CCDC178: variants seen among roughly 807,000 people sequenced by gnomAD.
CCDC178 encodes the protein coiled-coil domain containing 178.
In CCDC178, 126 loss-of-function variants were observed where a neutral mutation model predicts 117.4. The observed-to-expected ratio is 1.07, with a 90% CI of 0.93 to 1.24. The LOEUF (loss-of-function observed/expected upper bound fraction) is 1.24, where lower values mean the gene tolerates loss of function less well. CCDC178 is among the 50% of genes most tolerant of loss of function. The probability of loss-of-function intolerance (pLI) is 0.00; values close to 1 mark genes in which losing one functional copy is unlikely to be tolerated. For missense variants in CCDC178, 1,030 were observed against 986.9 expected, an observed-to-expected ratio of 1.04 and a Z score of -0.59; for synonymous variants, 283 against 313.4, an observed-to-expected ratio of 0.90 and a Z score of 1.02.
intron 15 of CCDC178, among the ~76,000 whole-genome samples, chr18:33,242,834 C>T (rs1157861423): frequency 1.3e-5 from 2 of 151,688 alleles, no homozygotes; most frequent in South Asian, 4.1e-4. Flanking sequence ...ACACTATGGA[C>T]AGCAGGACAG....
At chr18:33,054,541 G>A (rs191672970) in intron 21 of CCDC178, among the ~76,000 whole-genome samples, 134 of 152,202 alleles carry the variant, frequency 8.8e-4, no homozygotes, top group Non-Finnish European at 1.3e-3. Context: ...CTCTTCCTGC[G>A]TTAGTTTGAT....
intron 22 of CCDC178, among the ~76,000 whole-genome samples, chr18:32,966,555 A>AT: frequency 6.6e-6 from 1 of 151,936 alleles, no homozygotes; most frequent in Non-Finnish European, 1.5e-5. Context: ...TTTTTGATAT[A>AT]TTTTGCTACT....
chr18:33,085,273 T>C (rs1209386201), intron 21 of CCDC178, among the ~76,000 whole-genome samples: 6 of 152,202 alleles, frequency 3.9e-5, no homozygotes, highest in African/African-American at 9.6e-5. Context: ...ATTTAAAACG[T>C]ATTTTTGGGG....
intron 20 of CCDC178, among the ~76,000 whole-genome samples, chr18:33,105,591 TTG>T (rs995679035): frequency 3.6e-4 from 55 of 151,778 alleles, no homozygotes; most frequent in African/African-American, 1.3e-3. Flanking sequence ...GGTATTTTGT[TTG>T]TGTGTGTGTT....
intron 21 of CCDC178, among the ~76,000 whole-genome samples, chr18:33,087,423 C>T (rs1288598823): frequency 2.6e-5 from 4 of 152,036 alleles, no homozygotes; most frequent in African/African-American, 4.8e-5. Context: ...TCACAGGTCT[C>T]GTGAGGAAAA....
chr18:32,966,813 G>A (rs773146469), intron 22 of CCDC178, among the ~76,000 whole-genome samples: 1 of 151,790 alleles, frequency 6.6e-6, no homozygotes, highest in Non-Finnish European at 1.5e-5. Context: ...CCATGCAAAT[G>A]ATATATGTTT....
intron 20 of CCDC178, among the ~76,000 whole-genome samples, chr18:33,210,115 A>C (rs2059090114): frequency 6.6e-6 from 1 of 152,044 alleles, no homozygotes; most frequent in African/African-American, 2.4e-5. Flanking sequence ...TTATCTATCT[A>C]TTTATTCATT....
chr18:33,404,939 T>C (rs1250906333), intron 3 of CCDC178, among the ~76,000 whole-genome samples: 1 of 152,020 alleles, frequency 6.6e-6, no homozygotes, highest in Non-Finnish European at 1.5e-5. Context: ...AACAGATTTG[T>C]GGTTCCAGAG....
intron 11 of CCDC178, among the ~76,000 whole-genome samples, chr18:33,315,294 G>C (rs1275147178): frequency 6.6e-6 from 1 of 152,178 alleles, no homozygotes; most frequent in African/African-American, 2.4e-5. Context: ...AGCTCTTTCT[G>C]TTGTGCTTGG....
chr18:33,376,923 T>C (rs555030812), intron 5 of CCDC178, among the ~76,000 whole-genome samples: 1 of 152,362 alleles, frequency 6.6e-6, no homozygotes, highest in Admixed American at 6.5e-5. Flanking sequence ...ATGAGTGCGT[T>C]GTCTTTTTGG....
chr18:33,426,597 T>C (rs1466198907), intron 2 of CCDC178, among the ~76,000 whole-genome samples: 1 of 152,242 alleles, frequency 6.6e-6, no homozygotes, highest in Non-Finnish European at 1.5e-5. Flanking sequence ...AAAGTCTCTT[T>C]ACTCTTCCTT....
At chr18:33,399,780 T>C (rs2063686039) in intron 3 of CCDC178, among the ~76,000 whole-genome samples, 1 of 152,214 alleles carries the variant, frequency 6.6e-6, no homozygotes. Context: ...AAGCAACTTC[T>C]TCCAAATTCC....
intron 18 of CCDC178, among the ~76,000 whole-genome samples, chr18:33,218,765 T>C (rs1472040996): frequency 6.6e-6 from 1 of 152,132 alleles, no homozygotes; most frequent in Non-Finnish European, 1.5e-5. Context: ...TGGTTGTAGA[T>C]CTGTGGAATT....
intron 5 of CCDC178, among the ~76,000 whole-genome samples, chr18:33,388,919 A>G (rs935969522): frequency 5.9e-5 from 9 of 152,048 alleles, no homozygotes; most frequent in Non-Finnish European, 1.0e-4. Flanking sequence ...GTTCTCACTT[A>G]TAAGTGGGAG....
chr18:33,117,866 G>A (rs1484328605), intron 20 of CCDC178, among the ~76,000 whole-genome samples: 1 of 152,008 alleles, frequency 6.6e-6, no homozygotes, highest in Non-Finnish European at 1.5e-5. Flanking sequence ...CTGATCAATT[G>A]GGGTATTGTA....
intron 21 of CCDC178, among the ~76,000 whole-genome samples, chr18:33,013,531 T>A (rs1358937025): frequency 2.0e-5 from 3 of 152,210 alleles, no homozygotes; most frequent in South Asian, 4.1e-4. Flanking sequence ...TTGGCACATA[T>A]AATTTTATGA....
intron 20 of CCDC178, among the ~76,000 whole-genome samples, chr18:33,175,414 C>T (rs1165073958): frequency 6.6e-6 from 1 of 151,286 alleles, no homozygotes. Flanking sequence ...GCTATGTTGC[C>T]CAGGCTGGTC....
intron 20 of CCDC178, among the ~76,000 whole-genome samples, chr18:33,150,861 G>A (rs1057137831): frequency 2.0e-5 from 3 of 152,180 alleles, no homozygotes; most frequent in African/African-American, 7.2e-5. Flanking sequence ...CAATTGTAAA[G>A]ATATGGAACC....
intron 20 of CCDC178, among the ~76,000 whole-genome samples, chr18:33,173,114 A>G (rs891411358): frequency 1.3e-5 from 2 of 152,122 alleles, no homozygotes; most frequent in African/African-American, 4.8e-5. Context: ...CAGTGGCATG[A>G]CCTTGGCTCA....
Sources: gnomAD v4.1 joint callset for allele counts (sites outside exome capture counted in the v4.1 genomes callset) on GRCh38, gnomAD v4.1.1 for gene constraint, MANE v1.5 for transcripts, NCBI Gene and HGNC (gene_info 2026-07-23, HGNC 2026-07-21) for gene names.